Variants in PAK2 observed in about 807,000 individuals in gnomAD.
PAK2 encodes the protein p21 (RAC1) activated kinase 2, also known as serine/threonine-protein kinase PAK 2.
Under a neutral mutation model 65.9 loss-of-function variants are expected in PAK2, and 21 were observed. The observed-to-expected ratio is 0.32, with a 90% CI of 0.23 to 0.46. The LOEUF (loss-of-function observed/expected upper bound fraction) is 0.46. Among genes scored for constraint, PAK2 ranks in the 20% least tolerant of loss-of-function variants. The pLI, the probability that PAK2 is intolerant of heterozygous loss-of-function variation, is 1.00. For missense variants in PAK2, 324 were observed against 642.6 expected (o/e 0.50, Z 5.36); for synonymous variants, 204 against 219.7 (o/e 0.93, Z 0.63).
intron 2 of PAK2, among the ~76,000 whole-genome samples, chr3:196,783,641 A>G (rs1402892056): frequency 2.6e-5 from 4 of 151,466 alleles, no homozygotes; most frequent in African/African-American, 9.7e-5. Context: ...TGTACCTACC[A>G]CCCAGCCTAG....
At chr3:196,769,063 A>G (rs1714275650) in intron 1 of PAK2, among the ~76,000 whole-genome samples, 1 of 152,046 alleles carries the variant, frequency 6.6e-6, no homozygotes, top group Non-Finnish European at 1.5e-5. Context: ...ACTGTAGTGC[A>G]CACCTATAAT....
rs58174238 is a variant in PAK2, at chr3:196,761,145, CTTTTTTTTT to C, written c.-22+20997_-22+21005del. Reference sequence around the variant, plus strand: ...CGGTAAGGCTGAGGCAGGAGAACCGCTTTTTTTTTTTTTTTTTAATTTATTTTTTTATTG... The same window carrying C: ...CGGTAAGGCTGAGGCAGGAGAACCGCTTTTTTTTAATTTATTTTTTTATTG... On this transcript the variant is annotated intron_variant, in intron 1 of 14. Coordinates refer to ENST00000327134, the MANE Select transcript of PAK2 (RefSeq NM_002577.4). Among the ~76,000 whole-genome samples, 16 of 119,510 alleles carry C rather than the reference CTTTTTTTTT, an allele frequency of 1.3e-4. No homozygotes were observed. In the South Asian group the frequency reaches 4.5e-3, roughly 34 times the overall value. 78.4% of individuals were successfully genotyped at this position (119,510 alleles called of 152,430 possible). A position where few individuals can be genotyped will look rare whatever the true frequency, so the allele number is the denominator to read the frequency against.
chr3:196,760,671 T>C (rs1713929725), intron 1 of PAK2, among the ~76,000 whole-genome samples: 1 of 152,222 alleles, frequency 6.6e-6, no homozygotes, highest in Non-Finnish European at 1.5e-5. Context: ...GCAGTTTGAA[T>C]GCATAAGGAT....
intron 10 of PAK2, among the ~76,000 whole-genome samples, chr3:196,813,470 AAAG>A (rs1347004074): frequency 4.0e-5 from 6 of 151,718 alleles, no homozygotes; most frequent in Non-Finnish European, 5.9e-5. Context: ...AAAAAAAAAA[AAAG>A]AAAAGAAAAT....
At chr3:196,817,156 A>ATTTTTTT (rs11314877) in intron 11 of PAK2, among the ~76,000 whole-genome samples, 2 of 84,766 alleles carry the variant, frequency 2.4e-5, no homozygotes, top group East Asian at 2.8e-4. Flanking sequence ...GAAAGAGGCA[A>ATTTTTTT]TTTTTTTTTT....
At position 196,828,368 on chromosome 3, in the gene PAK2, T is replaced by G; in HGVS notation, c.1538T>G (p.Ile513Ser). Residue 513 changes from isoleucine (I) to serine (S), a missense_variant, in exon 15 of 15, where the codon ATC (isoleucine) becomes AGC (serine). By Grantham distance (142) the Ile-to-Ser change is moderately radical. This residue lies in a region of PAK2 where 43 missense variants were observed against 67.6 expected (regional missense o/e 0.64). Transcript: ENST00000327134. ...CCGTTATCTAGCTTGACACCACTGA[T>G]CATGGCAGCTAAAGAAGCAATGAAG... Reference protein sequence around the residue: ...AKPLSSLTPLIMAAKEAMKSN... With the variant: ...AKPLSSLTPLSMAAKEAMKSN... The G allele has an allele frequency of 1.2e-6, 2 of 1,611,232 alleles. No individual in the cohort carries two copies. The highest frequency in any genetic ancestry group is 1.7e-6 in the Non-Finnish European group (2 of 1,177,954).
chr3:196,795,310 AAAAG>A (rs1179587593), intron 2 of PAK2, among the ~76,000 whole-genome samples: 33 of 151,912 alleles, frequency 2.2e-4, no homozygotes, highest in Admixed American at 2.0e-3. Context: ...AAAAAAGAAA[AAAAG>A]AAAAATTATC....
At chr3:196,761,363 C>T (rs1356489365) in intron 1 of PAK2, among the ~76,000 whole-genome samples, 1 of 84,582 alleles carries the variant, frequency 1.2e-5, no homozygotes, top group African/African-American at 4.8e-5. Context: ...TGACTCTTAA[C>T]GAGCATGCTG....
intron 1 of PAK2, among the ~76,000 whole-genome samples, chr3:196,780,934 G>A (rs868235207): frequency 3.3e-5 from 5 of 152,036 alleles, no homozygotes; most frequent in Middle Eastern, 3.2e-3. Context: ...GACTACAGGC[G>A]CCTGCCACCA....
intron 1 of PAK2, among the ~76,000 whole-genome samples, chr3:196,752,983 AAT>A (rs1713657521): frequency 1.4e-5 from 2 of 147,136 alleles, no homozygotes; most frequent in African/African-American, 2.5e-5. Flanking sequence ...GAGAAAAAAA[AAT>A]TTTTTTTTTT....
At chr3:196,754,931 A>G (rs1336321367) in intron 1 of PAK2, among the ~76,000 whole-genome samples, 1 of 152,206 alleles carries the variant, frequency 6.6e-6, no homozygotes, top group East Asian at 1.9e-4. Flanking sequence ...CTGAGTCTCC[A>G]AATAAAGCGA....
rs531203785 is a variant in PAK2, at chr3:196,830,257, A to T, written c.*1852A>T. On this transcript the variant is annotated 3_prime_UTR_variant, in exon 15 of 15. Transcript: ENST00000327134. ...GTAAAATAATTAATGAAACATATTT[A>T]GAGCACTTAATGGTCTCTGTTTTCA... is the stretch of plus-strand genomic sequence containing the variant. The T allele has an allele frequency of 5.9e-5, 9 of 152,322 alleles. No individual in the cohort carries two copies. The highest frequency in any genetic ancestry group is 2.1e-4 in the South Asian group (1 of 4,830). The allele number at this position is 152,322 out of a possible 1,614,324, so 9.4% of individuals were successfully genotyped here. A position where few individuals can be genotyped will look rare whatever the true frequency, so the allele number is the denominator to read the frequency against.
At chr3:196,797,249 G>C (rs777081578) in intron 2 of PAK2, among the ~76,000 whole-genome samples, 1 of 152,144 alleles carries the variant, frequency 6.6e-6, no homozygotes, top group Non-Finnish European at 1.5e-5. Context: ...CAGATCACTT[G>C]AGGTCAGGAG....
intron 4 of PAK2, among the ~76,000 whole-genome samples, chr3:196,804,049 C>G (rs1396484226): frequency 6.6e-6 from 1 of 152,126 alleles, no homozygotes. Flanking sequence ...GAAACAAGAT[C>G]ATTTGTCCTG....
chr3:196,773,006 T>C (rs1258160392), intron 1 of PAK2, among the ~76,000 whole-genome samples: 1 of 152,222 alleles, frequency 6.6e-6, no homozygotes, highest in Non-Finnish European at 1.5e-5. Flanking sequence ...TTTAGTAATC[T>C]CCACTATTTG....
intron 12 of PAK2, among the ~76,000 whole-genome samples, chr3:196,818,492 G>A (rs1711542638): frequency 2.0e-5 from 3 of 152,042 alleles, no homozygotes. Context: ...TCAGCCTCCT[G>A]AGTAGCTGGG....
chr3:196,746,063 G>A (rs1713368272), intron 1 of PAK2, among the ~76,000 whole-genome samples: 1 of 150,608 alleles, frequency 6.6e-6, no homozygotes, highest in African/African-American at 2.4e-5. Context: ...TCCTGACCTC[G>A]TGATCCGCCT....
chr3:196,815,742 G>A (rs539454788), intron 11 of PAK2, among the ~76,000 whole-genome samples: 343 of 151,514 alleles, frequency 2.3e-3, no homozygotes, highest in Admixed American at 3.8e-3. Flanking sequence ...AGCCGAGATC[G>A]TGCCACTGCA....
In PAK2 at chr3:196,753,567, A is replaced by G. The variant is rs200211511; in HGVS notation, c.-22+13410A>G. 1.4e-4 allele frequency among the ~76,000 whole-genome samples: 21 copies of G among 152,330 alleles called. No homozygotes were observed. The East Asian group carries it at 3.5e-3, about 25-fold the overall frequency. ...ATTGAAACCTTGTTTATGTGAATTC[A>G]TTGCTCATTGCCAGCTTTCTGTTTT... On this transcript the variant is annotated intron_variant, in intron 1 of 14. Transcript: ENST00000327134.
Sources: gnomAD v4.1 joint callset for allele counts (sites outside exome capture counted in the v4.1 genomes callset) on GRCh38, gnomAD v4.1.1 for gene constraint, gnomAD v4.1.1 regional missense constraint, MANE v1.5 for transcripts, NCBI Gene and HGNC (gene_info 2026-07-23, HGNC 2026-07-21) for gene names.